The following PHF6 variants were observed in gnomAD, a reference collection of about 807,000 sequenced individuals.
PHF6 encodes the protein PHD finger protein 6.
In PHF6, 7 loss-of-function variants were observed where a neutral mutation model predicts 34.0. That is an observed-to-expected ratio of 0.21 (90% CI 0.12 to 0.39). The LOEUF is 0.39. PHF6 is among the 10% of genes least tolerant of loss of function. The pLI is 1.00. For synonymous variants in PHF6, 89 were observed against 88.4 expected, an observed-to-expected ratio of 1.01 and a Z score of -0.04; for missense variants, 128 against 262.8, an observed-to-expected ratio of 0.49 and a Z score of 3.55.
rs570375506 is a variant in PHF6, at chrX:134,424,944, A to G, written c.969-257A>G. Among the ~76,000 whole-genome samples the G allele has an allele frequency of 1.4e-4, 16 of 111,941 alleles. No individual in the cohort carries two copies. The South Asian group carries it at 5.5e-3, about 38-fold the overall frequency. On this transcript the variant is annotated intron_variant, in intron 9 of 10. Transcript: ENST00000370803. ...CTTTGCTTTTAATCTCATTGGGCAAAATGAGGAATTGCCTTATGATAACTG... is the reference window on the plus strand; with the variant it reads ...CTTTGCTTTTAATCTCATTGGGCAAGATGAGGAATTGCCTTATGATAACTG...
chrX:134,427,318 C>G lies in PHF6; in HGVS notation c.*1658C>G, dbSNP rs2077510697. 1 of 161,700 alleles carries G rather than the reference C, an allele frequency of 6.2e-6. No homozygotes were observed. The highest frequency in any genetic ancestry group is 1.2e-5 in the Non-Finnish European group (1 of 83,705). The allele number at this position is 161,700 out of a possible 1,213,427, so 13.3% of individuals were successfully genotyped here. The stretch of plus-strand genomic sequence containing the variant: ...AGGACAGATCTAGATGTTTGTTTAC[C>G]AAGCTATGTGACTTCTCCCAAAGGA... On this transcript the variant is annotated 3_prime_UTR_variant, in exon 11 of 11. Transcript: ENST00000370803.
chrX:134,393,448 T>TAC, intron 3 of PHF6, 53 bp from the exon 4 acceptor site: 1 of 1,181,155 alleles, frequency 8.5e-7, no homozygotes, highest in Non-Finnish European at 1.1e-6. Context: ...TAATCTGATA[T>TAC]ACAGCCTTAG....
intron 5 of PHF6, among the ~76,000 whole-genome samples, chrX:134,399,795 G>A (rs1052815112): frequency 5.4e-5 from 6 of 110,649 alleles, no homozygotes; most frequent in African/African-American, 2.0e-4. Flanking sequence ...ATCACCCAAA[G>A]TCCATAGTTT....
chrX:134,392,519 G>A (rs1401317612), intron 3 of PHF6, among the ~76,000 whole-genome samples: 1 of 111,810 alleles, frequency 8.9e-6, no homozygotes, highest in African/African-American at 3.2e-5. Flanking sequence ...AAATTCAAAA[G>A]GTAAGGTATA....
intron 5 of PHF6, among the ~76,000 whole-genome samples, chrX:134,395,748 T>A (rs1445207881): frequency 8.9e-6 from 1 of 112,126 alleles, no homozygotes; most frequent in Non-Finnish European, 1.9e-5. Flanking sequence ...TACAAAACAA[T>A]ATAGTTTCCA....
chrX:134,379,659 C>G (rs372398909), intron 3 of PHF6, among the ~76,000 whole-genome samples: 1 of 109,817 alleles, frequency 9.1e-6, no homozygotes, highest in East Asian at 2.9e-4. Context: ...TCAGGCTGGT[C>G]TTGAACTCCA....
At chrX:134,399,964 G>A (rs1278191037) in intron 5 of PHF6, among the ~76,000 whole-genome samples, 7 of 111,712 alleles carry the variant, frequency 6.3e-5, no homozygotes, top group Non-Finnish European at 1.1e-4. Flanking sequence ...CACTGATACT[G>A]ATACCACTGA....
intron 8 of PHF6, 26 bp from the exon 9 acceptor site, chrX:134,417,143 A>G (rs1352408425): frequency 8.3e-7 from 1 of 1,207,242 alleles, no homozygotes; most frequent in Non-Finnish European, 1.1e-6. Flanking sequence ...AATACGGCTT[A>G]CGATTATTTC....
At chrX:134,392,198 G>A (rs185123127) in intron 3 of PHF6, among the ~76,000 whole-genome samples, 6 of 112,066 alleles carry the variant, frequency 5.4e-5, no homozygotes, top group African/African-American at 1.9e-4. Context: ...CTTAGAGGCC[G>A]AGTAATCCAA....
At position 134,394,033 on chromosome X, in the gene PHF6, A is replaced by G; in HGVS notation, c.418+81A>G. ...ACAGATTAGTGAATTATACTATATTAATTTTAACCATAAGACATATCTCAA... is the reference window on the plus strand; with the variant it reads ...ACAGATTAGTGAATTATACTATATTGATTTTAACCATAAGACATATCTCAA... On this transcript the variant is annotated intron_variant, in intron 5 of 10. Coordinates refer to ENST00000370803, the MANE Select transcript of PHF6 (RefSeq NM_001015877.2). 3.4e-6 allele frequency: 3 copies of G among 890,750 alleles called. No individual in the cohort carries two copies. The South Asian group carries it at 6.2e-5, about 18-fold the overall frequency. 73.4% of individuals were successfully genotyped at this position (890,750 alleles called of 1,213,427 possible).
chrX:134,397,343 C>G (rs1372398692), intron 5 of PHF6, among the ~76,000 whole-genome samples: 2 of 111,766 alleles, frequency 1.8e-5, no homozygotes, highest in African/African-American at 3.2e-5. Context: ...TAAAATGATT[C>G]GAAACATATA....
intron 3 of PHF6, among the ~76,000 whole-genome samples, chrX:134,380,470 A>G (rs2077302594): frequency 9.0e-6 from 1 of 111,486 alleles, no homozygotes; most frequent in South Asian, 3.7e-4. Flanking sequence ...ACTTTGTATG[A>G]GTTTTACTAT....
intron 1 of PHF6, among the ~76,000 whole-genome samples, chrX:134,375,897 T>C (rs913793626): frequency 2.7e-5 from 3 of 111,998 alleles, no homozygotes; most frequent in Admixed American, 1.9e-4. Flanking sequence ...CCTTTTTTTT[T>C]CTTTAATCCT....
At chrX:134,375,705 A>G (rs1255275389) in intron 1 of PHF6, among the ~76,000 whole-genome samples, 1 of 112,061 alleles carries the variant, frequency 8.9e-6, no homozygotes, top group African/African-American at 3.2e-5. Context: ...GTAGTAAAGA[A>G]ACTAATTTAG....
chrX:134,382,087 C>A (rs1355605033), intron 3 of PHF6, among the ~76,000 whole-genome samples: 1 of 111,478 alleles, frequency 9.0e-6, no homozygotes, highest in Non-Finnish European at 1.9e-5. Flanking sequence ...CTCAGTAGAG[C>A]AGGAGGTGTG....
At chrX:134,421,499 T>A (rs2077491539) in intron 9 of PHF6, among the ~76,000 whole-genome samples, 4 of 111,991 alleles carry the variant, frequency 3.6e-5, no homozygotes, top group African/African-American at 9.7e-5. Context: ...ACAGGCTGAT[T>A]TTAAATATCC....
chrX:134,404,664 A>G (rs1403399457), intron 5 of PHF6, among the ~76,000 whole-genome samples: 4 of 111,661 alleles, frequency 3.6e-5, no homozygotes, highest in Non-Finnish European at 7.5e-5. Flanking sequence ...GAGTCCATCA[A>G]TGCGGCAAAC....
intron 8 of PHF6, among the ~76,000 whole-genome samples, chrX:134,415,792 G>A (rs371312283): frequency 6.3e-4 from 70 of 110,518 alleles, no homozygotes; most frequent in Non-Finnish European, 7.2e-4. Flanking sequence ...AATTTGTGGC[G>A]CTTGTTTCAT....
At chrX:134,379,008 A>C (rs1214331071) in intron 3 of PHF6, among the ~76,000 whole-genome samples, 1 of 112,204 alleles carries the variant, frequency 8.9e-6, no homozygotes, top group Non-Finnish European at 1.9e-5. Flanking sequence ...TAGCTTTGCT[A>C]TCCAGTTTCA....
Sources: allele counts gnomAD v4.1 joint callset (sites outside exome capture counted in the v4.1 genomes callset), GRCh38; gene constraint gnomAD v4.1.1; transcripts MANE v1.5; gene names NCBI Gene and HGNC (gene_info 2026-07-23, HGNC 2026-07-21).